ROBO2: variants seen among roughly 807,000 people sequenced by gnomAD.
ROBO2 encodes roundabout homolog 2.
ROBO2 carries 53 observed loss-of-function variants against 160.8 expected under a neutral mutation model. The observed-to-expected ratio is 0.33, with a 90% confidence interval of 0.26 to 0.41. The LOEUF (loss-of-function observed/expected upper bound fraction) is 0.41, where lower values mean the gene tolerates loss of function less well. Among genes scored for constraint, ROBO2 ranks in the 10% least tolerant of loss-of-function variants. The pLI is 1.00. For missense variants in ROBO2, 1,577 were observed against 1,722.4 expected, an observed-to-expected ratio of 0.92 and a Z score of 1.49; for synonymous variants, 664 against 611.7, an observed-to-expected ratio of 1.09 and a Z score of -1.26.
At chr3:76,639,857 GAAAA>G (rs139464996) in intron 2 of ROBO2, among the ~76,000 whole-genome samples, 3,349 of 152,198 alleles carry the variant, frequency 0.022, 128 homozygotes, top group African/African-American at 0.074. Context: ...CAATTCATAA[GAAAA>G]ATAATACCAC....
intron 2 of ROBO2, among the ~76,000 whole-genome samples, chr3:76,484,190 A>G (rs1267018189): frequency 6.6e-6 from 1 of 152,182 alleles, no homozygotes; most frequent in East Asian, 1.9e-4. Context: ...ACATTAAAAT[A>G]AAAGTTTGCA....
chr3:77,074,397 G>A (rs556532031), intron 1 of ROBO2, among the ~76,000 whole-genome samples: 2 of 152,246 alleles, frequency 1.3e-5, no homozygotes, highest in Non-Finnish European at 2.9e-5. Flanking sequence ...TTTTTGATGT[G>A]TTGTGTTTCC....
At chr3:75,992,681 G>C (rs1188626069) in intron 2 of ROBO2, among the ~76,000 whole-genome samples, 1 of 152,174 alleles carries the variant, frequency 6.6e-6, no homozygotes, top group Non-Finnish European at 1.5e-5. Flanking sequence ...CAGAATGGTA[G>C]ATCCACTGAA....
chr3:77,045,967 G>T (rs1423518514), intron 1 of ROBO2, among the ~76,000 whole-genome samples: 1 of 152,086 alleles, frequency 6.6e-6, no homozygotes, highest in East Asian at 1.9e-4. Flanking sequence ...CTTTTTTATT[G>T]CCAAACAATA....
chr3:76,932,454 C>G (rs1048262834), intron 2 of ROBO2, among the ~76,000 whole-genome samples: 1 of 150,744 alleles, frequency 6.6e-6, no homozygotes, highest in Admixed American at 6.6e-5. Flanking sequence ...ACACGTGTCA[C>G]AAATCTATGC....
At chr3:76,038,992 G>A (rs2067201873) in intron 2 of ROBO2, among the ~76,000 whole-genome samples, 1 of 151,898 alleles carries the variant, frequency 6.6e-6, no homozygotes, top group Non-Finnish European at 1.5e-5. Context: ...GGGAGACTTA[G>A]GATTGGTAAT....
chr3:76,593,203 C>A (rs1346369607), intron 2 of ROBO2, among the ~76,000 whole-genome samples: 1 of 152,100 alleles, frequency 6.6e-6, no homozygotes, highest in Non-Finnish European at 1.5e-5. Context: ...TTTCCAGCAG[C>A]TCATCACCAA....
intron 2 of ROBO2, among the ~76,000 whole-genome samples, chr3:77,414,717 G>C (rs1188739593): frequency 6.6e-6 from 1 of 152,176 alleles, no homozygotes; most frequent in African/African-American, 2.4e-5. Flanking sequence ...TCTTTGTAGT[G>C]TGCAGTCCAT....
chr3:77,099,070 TC>T (rs1310198913), intron 2 of ROBO2, among the ~76,000 whole-genome samples: 2 of 104,432 alleles, frequency 1.9e-5, no homozygotes, highest in Admixed American at 2.2e-4. Flanking sequence ...TTTCTTTCTT[TC>T]TTTTTTTTTT....
chr3:76,458,285 T>TCAAGTTC (rs2077888619), intron 2 of ROBO2, among the ~76,000 whole-genome samples: 1 of 152,152 alleles, frequency 6.6e-6, no homozygotes, highest in African/African-American at 2.4e-5. Context: ...ATCATCTCTC[T>TCAAGTTC]CAAGTTCCAA....
chr3:77,576,049 G>A (rs1458880705), intron 14 of ROBO2, among the ~76,000 whole-genome samples: 1 of 152,072 alleles, frequency 6.6e-6, no homozygotes, highest in Non-Finnish European at 1.5e-5. Context: ...GACCTGTCAG[G>A]AAGCAGGCAC....
chr3:76,882,313 G>T (rs760229385), intron 2 of ROBO2, among the ~76,000 whole-genome samples: 10 of 151,990 alleles, frequency 6.6e-5, no homozygotes, highest in Non-Finnish European at 1.3e-4. Flanking sequence ...CAAGTATCTG[G>T]CAATCTCTTA....
At chr3:76,644,551 C>T (rs1054994756) in intron 2 of ROBO2, among the ~76,000 whole-genome samples, 5 of 152,092 alleles carry the variant, frequency 3.3e-5, no homozygotes, top group African/African-American at 1.2e-4. Flanking sequence ...TGTATTTCTG[C>T]CTTCTCCTGA....
At chr3:76,484,024 G>C (rs944382227) in intron 2 of ROBO2, among the ~76,000 whole-genome samples, 8 of 152,088 alleles carry the variant, frequency 5.3e-5, no homozygotes, top group Admixed American at 4.6e-4. Flanking sequence ...GGCAAAGAAC[G>C]TACACATGCA....
intron 2 of ROBO2, among the ~76,000 whole-genome samples, chr3:76,665,571 ACAATAC>A (rs2091986179): frequency 6.6e-6 from 1 of 151,666 alleles, no homozygotes; most frequent in Non-Finnish European, 1.5e-5. Context: ...CAATGATGGA[ACAATAC>A]CAATAAATAC....
intron 2 of ROBO2, among the ~76,000 whole-genome samples, chr3:76,112,374 AT>A (rs927002687): frequency 6.6e-6 from 1 of 152,106 alleles, no homozygotes; most frequent in Admixed American, 6.6e-5. Flanking sequence ...TGAAATACAA[AT>A]AACCTAGTCA....
chr3:77,221,431 G>A (rs2085774694), intron 2 of ROBO2, among the ~76,000 whole-genome samples: 2 of 152,204 alleles, frequency 1.3e-5, no homozygotes, highest in Non-Finnish European at 2.9e-5. Context: ...GGGTGACACT[G>A]ATCGAATGTG....
intron 2 of ROBO2, among the ~76,000 whole-genome samples, chr3:77,275,152 G>A (rs2059748101): frequency 6.6e-6 from 1 of 151,984 alleles, no homozygotes; most frequent in African/African-American, 2.4e-5. Flanking sequence ...ATGAAGACAG[G>A]TAAATACATA....
At chr3:76,460,787 G>C (rs866170083) in intron 2 of ROBO2, among the ~76,000 whole-genome samples, 54 of 152,120 alleles carry the variant, frequency 3.5e-4, no homozygotes, top group African/African-American at 1.1e-3. Flanking sequence ...ATGTGAGAGA[G>C]AATACATGTT....
Sources: gnomAD v4.1 joint callset for allele counts (sites outside exome capture counted in the v4.1 genomes callset) on GRCh38, gnomAD v4.1.1 for gene constraint, MANE v1.5 for transcripts, NCBI Gene and HGNC (gene_info 2026-07-23, HGNC 2026-07-21) for gene names.